Variants in RHCE observed in about 807,000 individuals in gnomAD.
RHCE encodes blood group Rh(CE) polypeptide.
Under a neutral mutation model 43.8 loss-of-function variants are expected in RHCE, and 22 were observed. The ratio of observed to expected loss-of-function variants is 0.50; its 90% CI spans 0.36 to 0.72. The LOEUF is 0.72. Among genes scored for constraint, RHCE ranks in the 30% least tolerant of loss-of-function variants. The pLI, the probability that RHCE is intolerant of heterozygous loss-of-function variation, is 0.00. For missense variants in RHCE, 385 were observed against 525.4 expected, an observed-to-expected ratio of 0.73 and a Z score of 2.61; for synonymous variants, 156 against 210.7, an observed-to-expected ratio of 0.74 and a Z score of 2.25.
chr1:25,377,181 C>G (rs923617766), intron 7 of RHCE, among the ~76,000 whole-genome samples: 7 of 151,980 alleles, frequency 4.6e-5, no homozygotes, highest in Admixed American at 1.3e-4. Context: ...GTCAATTACT[C>G]AATTCATTGA....
chr1:25,393,766 C>A (rs1437715867), intron 3 of RHCE, among the ~76,000 whole-genome samples: 1 of 151,970 alleles, frequency 6.6e-6, no homozygotes, highest in African/African-American at 2.4e-5. Flanking sequence ...TCGGGCGTCA[C>A]CTCCTATTGC....
upstream of RHCE, among the ~76,000 whole-genome samples, chr1:25,421,868 A>T (rs866345364): frequency 3.3e-5 from 5 of 152,338 alleles, no homozygotes; most frequent in Middle Eastern, 6.8e-3. Flanking sequence ...GTGTAAACTG[A>T]ATGTGTGGAG....
At chr1:25,369,350 C>A (rs1645533625) in intron 9 of RHCE, among the ~76,000 whole-genome samples, 1 of 151,684 alleles carries the variant, frequency 6.6e-6, no homozygotes, top group Non-Finnish European at 1.5e-5. Flanking sequence ...CACCGGGCAG[C>A]AGCCTGACCA....
chr1:25,425,699 A>C (rs2042800160), upstream of RHCE, among the ~76,000 whole-genome samples: 1 of 152,166 alleles, frequency 6.6e-6, no homozygotes, highest in Admixed American at 6.5e-5. Context: ...GGTGTGGTGA[A>C]TCAAGCCAGG....
rs142103428 is a variant in RHCE at position 25,427,981 on chromosome 1, G to C, written c.-40+972C>G. Among the ~76,000 whole-genome samples the C allele has an allele frequency of 6.6e-3, 1,000 of 152,304 alleles. 10 individuals are homozygous for C. The highest frequency in any genetic ancestry group is 8.5e-3 in the Non-Finnish European group (580 of 68,024). ...CTCCAGACCTTCAGATTGTTTGTCAGCCATCACCCTCAGATTTTCTCTGCC... is the reference window on the plus strand; with the variant it reads ...CTCCAGACCTTCAGATTGTTTGTCACCCATCACCCTCAGATTTTCTCTGCC... On this transcript the variant is annotated intron_variant, in intron 2 of 11. Coordinates refer to the RHCE transcript ENST00000349320.
intron 2 of RHCE, among the ~76,000 whole-genome samples, chr1:25,404,674 C>T (rs573657198): frequency 3.8e-4 from 58 of 151,212 alleles, no homozygotes; most frequent in African/African-American, 1.1e-3. Flanking sequence ...GTCTAGGCTG[C>T]CTGGGCTGGA....
chr1:25,381,823 C>G (rs1646012627), intron 7 of RHCE, among the ~76,000 whole-genome samples: 1 of 150,680 alleles, frequency 6.6e-6, no homozygotes, highest in South Asian at 2.1e-4. Context: ...CCAACCTATT[C>G]CCATCACCCA....
rs564270916 is a variant in RHCE, at chr1:25,406,376, G to T, written c.335+2307C>A. 2.5e-5 allele frequency among the ~76,000 whole-genome samples: 3 copies of T among 120,860 alleles called. 1 individual carries two copies. Among genetic ancestry groups the T allele is most frequent in the Non-Finnish European group, 5.6e-5 (3 of 53,148 alleles). The allele number at this position is 120,860 out of a possible 152,430, so 79.3% of individuals were successfully genotyped here. A position where few individuals can be genotyped will look rare whatever the true frequency, so the allele number is the denominator to read the frequency against. On this transcript the variant is annotated intron_variant, in intron 2 of 9. Coordinates refer to ENST00000294413, the MANE Select transcript of RHCE (RefSeq NM_020485.8). ...CGCCCAGGCTACAGTGCAATGGCGC[G>T]ATCTCGGCTCACTATAGCCTCCGCC...
intron 6 of RHCE, among the ~76,000 whole-genome samples, chr1:25,387,872 G>A (rs1170531522): frequency 6.6e-6 from 1 of 151,612 alleles, no homozygotes; most frequent in Non-Finnish European, 1.5e-5. Flanking sequence ...CCAGGCTGGA[G>A]TGCAGTGGCG....
intron 9 of RHCE, among the ~76,000 whole-genome samples, chr1:25,370,233 ACT>A (rs2124301394): frequency 6.6e-6 from 1 of 151,276 alleles, no homozygotes; most frequent in East Asian, 1.9e-4. Flanking sequence ...CTCATCCCTG[ACT>A]CTGAATGAAT....
intron 2 of RHCE, among the ~76,000 whole-genome samples, chr1:25,403,793 C>G (rs1487174477): frequency 6.6e-6 from 1 of 151,672 alleles, no homozygotes; most frequent in Non-Finnish European, 1.5e-5. Flanking sequence ...GATGCTACAA[C>G]CACAGCAACA....
chr1:25,405,361 C>A (rs1296925376), intron 2 of RHCE, among the ~76,000 whole-genome samples: 7 of 151,812 alleles, frequency 4.6e-5, no homozygotes, highest in Admixed American at 3.3e-4. Flanking sequence ...CTGTCTCAAA[C>A]ACAGTTTTAG....
intron 2 of RHCE, among the ~76,000 whole-genome samples, chr1:25,428,443 C>T (rs1433412130): frequency 2.6e-5 from 4 of 152,234 alleles, no homozygotes; most frequent in Non-Finnish European, 5.9e-5. Context: ...ACATAGCATT[C>T]TGTTCATATC....
chr1:25,399,281 A>G (rs1432568209), intron 3 of RHCE: 15 of 795,344 alleles, frequency 1.9e-5, no homozygotes, highest in Non-Finnish European at 3.1e-5. Flanking sequence ...CACAATAAGG[A>G]AGAAATAACA....
rs148353819 is a variant in RHCE at position 25,390,620 on chromosome 1, G to A, written c.801+129C>T. ...ATTCTTCCTAGAGCTCCACTGTAGA[G>A]GCAGGCACAGCTCCACCACCCGGCA... On this transcript the variant is annotated intron_variant, in intron 5 of 9. Transcript: ENST00000294413. 8.0e-4 allele frequency: 883 copies of A among 1,105,606 alleles called. 7 individuals carry two copies. In the African/African-American group the frequency reaches 0.012, roughly 14 times the overall value. The allele number at this position is 1,105,606 out of a possible 1,614,324, so 68.5% of individuals were successfully genotyped here.
intron 3 of RHCE, among the ~76,000 whole-genome samples, chr1:25,400,943 C>T (rs1394499462): frequency 6.6e-6 from 1 of 152,168 alleles, no homozygotes; most frequent in African/African-American, 2.4e-5. Flanking sequence ...TCACTTCCCA[C>T]CACCCTCACA....
intron 6 of RHCE, among the ~76,000 whole-genome samples, chr1:25,388,310 A>T (rs1439739126): frequency 7.7e-6 from 1 of 129,070 alleles, no homozygotes; most frequent in Non-Finnish European, 1.6e-5. Flanking sequence ...TTTGCTGAGT[A>T]TTGGAGAAAG....
intron 1 of RHCE, among the ~76,000 whole-genome samples, chr1:25,412,311 G>T (rs1347927507): frequency 1.3e-5 from 2 of 152,168 alleles, no homozygotes; most frequent in Non-Finnish European, 2.9e-5. Context: ...ATAGGAGTTG[G>T]ACTTGATACT....
intron 7 of RHCE, among the ~76,000 whole-genome samples, chr1:25,379,476 TATATATATATATA>T (rs1645903493): frequency 1.2e-4 from 1 of 8,336 alleles, no homozygotes; most frequent in African/African-American, 7.9e-4. Context: ...TATATATATA[TATATATATATATA>T]TATATATTTT....
Sources: allele counts gnomAD v4.1 joint callset (sites outside exome capture counted in the v4.1 genomes callset), GRCh38; gene constraint gnomAD v4.1.1; transcripts MANE v1.5; gene names NCBI Gene and HGNC (gene_info 2026-07-23, HGNC 2026-07-21).